Variants in KCNH7 observed in about 807,000 individuals in gnomAD.
The protein encoded by KCNH7 is potassium voltage-gated channel subfamily H member 7.
In KCNH7, 49 loss-of-function variants were observed where a neutral mutation model predicts 120.8. That is an observed-to-expected ratio of 0.41 (90% CI 0.32 to 0.51). KCNH7 has a LOEUF of 0.51. Ranked by LOEUF, KCNH7 falls within the 20% of genes least tolerant of loss-of-function variation. The probability of loss-of-function intolerance (pLI) is 0.38; values close to 1 mark genes in which losing one functional copy is unlikely to be tolerated. For missense variants in KCNH7, 1,097 were observed against 1,446.6 expected (o/e 0.76, Z 3.92); for synonymous variants, 547 against 516.1 (o/e 1.06, Z -0.81).
chr2:162,589,200 C>T (rs952268583), intron 2 of KCNH7, among the ~76,000 whole-genome samples: 13 of 152,010 alleles, frequency 8.6e-5, no homozygotes, highest in African/African-American at 2.2e-4. Context: ...GTAGACCGAA[C>T]GACTCCCAGT....
intron 6 of KCNH7, among the ~76,000 whole-genome samples, chr2:162,483,718 T>C (rs1237000938): frequency 1.3e-5 from 2 of 152,174 alleles, no homozygotes; most frequent in Admixed American, 6.5e-5. Flanking sequence ...TTTGCTTTCC[T>C]ATGGAGTTAA....
At chr2:162,637,167 A>C (rs1683989910) in intron 2 of KCNH7, among the ~76,000 whole-genome samples, 3 of 152,036 alleles carry the variant, frequency 2.0e-5, no homozygotes, top group Non-Finnish European at 4.4e-5. Context: ...TTCCATGTTA[A>C]TGGTTAGGGG....
At chr2:162,534,163 T>C (rs980107494) in intron 3 of KCNH7, among the ~76,000 whole-genome samples, 2 of 151,376 alleles carry the variant, frequency 1.3e-5, no homozygotes, top group African/African-American at 2.4e-5. Flanking sequence ...TACACAGTGC[T>C]TAGATAAAAA....
intron 8 of KCNH7, among the ~76,000 whole-genome samples, chr2:162,434,921 C>T (rs977632151): frequency 1.2e-4 from 18 of 151,960 alleles, no homozygotes; most frequent in African/African-American, 4.3e-4. Flanking sequence ...TACAGATACT[C>T]TTTGTATAGC....
At chr2:162,505,712 C>A (rs1454677075) in intron 5 of KCNH7, among the ~76,000 whole-genome samples, 1 of 151,874 alleles carries the variant, frequency 6.6e-6, no homozygotes, top group Non-Finnish European at 1.5e-5. Context: ...CGTGAGCTCC[C>A]TATTTTTGTG....
chr2:162,533,197 A>G (rs533339521), intron 3 of KCNH7, among the ~76,000 whole-genome samples: 1 of 151,848 alleles, frequency 6.6e-6, no homozygotes, highest in Non-Finnish European at 1.5e-5. Flanking sequence ...CCCCGAAACC[A>G]GAATAAAACA....
chr2:162,593,215 C>A (rs1694270103), intron 2 of KCNH7, among the ~76,000 whole-genome samples: 1 of 152,004 alleles, frequency 6.6e-6, no homozygotes, highest in Non-Finnish European at 1.5e-5. Flanking sequence ...GCCCATGGGC[C>A]TTAATTTTCT....
chr2:162,526,948 T>A (rs1691726673), intron 3 of KCNH7, among the ~76,000 whole-genome samples: 1 of 152,006 alleles, frequency 6.6e-6, no homozygotes, highest in South Asian at 2.1e-4. Context: ...TAAGAAATTA[T>A]AAAAGTATTA....
chr2:162,446,426 T>G lies in KCNH7; in HGVS notation c.1146A>C (p.Ala382=). 1 of 1,610,232 alleles carries G rather than the reference T, an allele frequency of 6.2e-7. No homozygotes were observed. The highest frequency in any genetic ancestry group is 2.2e-5 in the East Asian group (1 of 44,802). Residue 382 remains alanine, a synonymous_variant, in exon 7 of 16, where the codon GCA becomes GCC. Transcript: ENST00000332142. ...GCAGTTTGTATTCAGGTAGGACATC[T>G]GCTCCTAAAGAGAGAACCTGAATGT... ...EKVTQVLSLG[A]DVLPEYKLQT...
chr2:162,717,513 A>G (rs1452833956), intron 2 of KCNH7, among the ~76,000 whole-genome samples: 1 of 152,080 alleles, frequency 6.6e-6, no homozygotes, highest in Admixed American at 6.6e-5. Flanking sequence ...CATTCTTCAA[A>G]GTCCTCAGAA....
chr2:162,376,756 C>T (rs1686209492), intron 14 of KCNH7, among the ~76,000 whole-genome samples: 1 of 152,124 alleles, frequency 6.6e-6, no homozygotes, highest in Non-Finnish European at 1.5e-5. Flanking sequence ...TTGGAGTCTG[C>T]ATTTTAATAA....
Position 162,447,253 on chromosome 2 carries a change from A to G in KCNH7, c.1129-810T>C, listed in dbSNP as rs570270142. ...GATAAACTAAAACAGTTCACCTTTT[A>G]GAGTTTTAGTTTACCTGAAAAAAAT... On this transcript the variant is annotated intron_variant, in intron 6 of 15. Transcript: ENST00000332142. Among the ~76,000 whole-genome samples the G allele has an allele frequency of 1.4e-4, 21 of 152,222 alleles. 1 individual carries two copies. The highest frequency in any genetic ancestry group is 3.4e-3 in the Middle Eastern group (1 of 294).
chr2:162,656,488 G>A (rs80078578), intron 2 of KCNH7, among the ~76,000 whole-genome samples: 2,871 of 152,130 alleles, frequency 0.019, 63 homozygotes, highest in East Asian at 0.11. Flanking sequence ...ATCATAAATC[G>A]AAAGCATATA....
chr2:162,657,293 C>T (rs1684796372), intron 2 of KCNH7, among the ~76,000 whole-genome samples: 1 of 152,136 alleles, frequency 6.6e-6, no homozygotes. Context: ...ACTAAATAAC[C>T]TCTGTTCTCC....
At chr2:162,588,848 T>C (rs1048153402) in intron 2 of KCNH7, among the ~76,000 whole-genome samples, 3 of 152,114 alleles carry the variant, frequency 2.0e-5, no homozygotes, top group African/African-American at 7.2e-5. Context: ...GCTGTAATTT[T>C]GTGTCCTTTA....
chr2:162,782,469 C>T (rs1325449333), intron 2 of KCNH7, among the ~76,000 whole-genome samples: 2 of 152,274 alleles, frequency 1.3e-5, no homozygotes, highest in South Asian at 4.2e-4. Flanking sequence ...ACAGGCACTA[C>T]AGCAGAGCAT....
At chr2:162,673,846 A>G (rs1685445032) in intron 2 of KCNH7, among the ~76,000 whole-genome samples, 1 of 152,020 alleles carries the variant, frequency 6.6e-6, no homozygotes, top group South Asian at 2.1e-4. Flanking sequence ...ACATCTACTT[A>G]TATTTTTTTA....
chr2:162,766,973 T>TA (rs11446561), intron 2 of KCNH7, among the ~76,000 whole-genome samples: 42,369 of 151,676 alleles, frequency 0.28, 6,879 homozygotes, highest in African/African-American at 0.45. Flanking sequence ...TTTCTGGCTT[T>TA]AAAAAAATTT....
intron 2 of KCNH7, among the ~76,000 whole-genome samples, chr2:162,558,592 G>T: frequency 6.8e-6 from 1 of 147,000 alleles, no homozygotes; most frequent in East Asian, 2.0e-4. Flanking sequence ...ATGGAAGCTA[G>T]ATATGTGATT....
Sources: gnomAD v4.1 joint callset for allele counts (sites outside exome capture counted in the v4.1 genomes callset) on GRCh38, gnomAD v4.1.1 for gene constraint, MANE v1.5 for transcripts, NCBI Gene and HGNC (gene_info 2026-07-23, HGNC 2026-07-21) for gene names.